CDKAL1: variants seen among roughly 807,000 people sequenced by gnomAD.
CDKAL1 encodes threonylcarbamoyladenosine tRNA methylthiotransferase.
A neutral mutation model predicts 68.2 loss-of-function variants in CDKAL1; 32 were observed. The observed-to-expected ratio is 0.47, with a 90% CI of 0.35 to 0.63. The LOEUF (loss-of-function observed/expected upper bound fraction) is 0.63. Ranked by LOEUF, CDKAL1 falls within the 30% of genes least tolerant of loss-of-function variation. CDKAL1 has a pLI of 0.00. For synonymous variants in CDKAL1, 234 were observed against 244.3 expected (o/e 0.96, Z 0.39); for missense variants, 606 against 696.7 (o/e 0.87, Z 1.47).
At chr6:21,015,392 A>G (rs8180606) in intron 11 of CDKAL1, among the ~76,000 whole-genome samples, 8,904 of 152,288 alleles carry the variant, frequency 0.058, 361 homozygotes, top group African/African-American at 0.1. Context: ...AAGACCAAGC[A>G]TCGACTTTTT....
At chr6:20,987,591 C>T (rs911117673) in intron 10 of CDKAL1, among the ~76,000 whole-genome samples, 11 of 152,088 alleles carry the variant, frequency 7.2e-5, no homozygotes, top group African/African-American at 2.4e-4. Context: ...TTGAACTCTA[C>T]TTGGGGTAAA....
intron 13 of CDKAL1, among the ~76,000 whole-genome samples, chr6:21,169,429 G>A (rs934244691): frequency 1.3e-5 from 2 of 152,210 alleles, no homozygotes; most frequent in African/African-American, 2.4e-5. Flanking sequence ...GAAGCCAGGA[G>A]TTCAGGACCA....
intron 9 of CDKAL1, among the ~76,000 whole-genome samples, chr6:20,916,505 A>G (rs1201566014): frequency 6.6e-6 from 1 of 152,192 alleles, no homozygotes; most frequent in Admixed American, 6.5e-5. Context: ...GGGACTGAAC[A>G]CTGGGGGTGC....
chr6:20,794,442 G>A (rs943672161), intron 8 of CDKAL1, among the ~76,000 whole-genome samples: 1 of 152,062 alleles, frequency 6.6e-6, no homozygotes, highest in East Asian at 1.9e-4. Context: ...TAATGAGAAT[G>A]ATCTGAAGAC....
At chr6:20,771,770 C>T (rs1417695794) in intron 7 of CDKAL1, among the ~76,000 whole-genome samples, 1 of 152,082 alleles carries the variant, frequency 6.6e-6, no homozygotes, top group Non-Finnish European at 1.5e-5. Flanking sequence ...CTGTCCCCTT[C>T]GTGTCTTTTC....
chr6:20,886,974 C>G (rs1161375749), intron 9 of CDKAL1, among the ~76,000 whole-genome samples: 1 of 152,066 alleles, frequency 6.6e-6, no homozygotes, highest in African/African-American at 2.4e-5. Flanking sequence ...TTTTTTACAG[C>G]TCAATAATGA....
At chr6:21,134,292 A>C (rs1488468860) in intron 13 of CDKAL1, among the ~76,000 whole-genome samples, 2 of 152,238 alleles carry the variant, frequency 1.3e-5, no homozygotes, top group African/African-American at 4.8e-5. Flanking sequence ...TTTAGTGTGC[A>C]TTAATCATAA....
At chr6:20,554,909 T>C (rs1763975516) in intron 4 of CDKAL1, among the ~76,000 whole-genome samples, 1 of 152,208 alleles carries the variant, frequency 6.6e-6, no homozygotes, top group East Asian at 1.9e-4. Flanking sequence ...TCATAAACAC[T>C]GAAGAGTAAT....
intron 9 of CDKAL1, among the ~76,000 whole-genome samples, chr6:20,904,717 A>C (rs1173443962): frequency 6.6e-6 from 1 of 151,938 alleles, no homozygotes; most frequent in Non-Finnish European, 1.5e-5. Context: ...TGAACCCAGG[A>C]GGCGGAGGTT....
At chr6:21,047,193 G>T (rs559983983) in intron 11 of CDKAL1, among the ~76,000 whole-genome samples, 10 of 151,938 alleles carry the variant, frequency 6.6e-5, no homozygotes, top group African/African-American at 2.4e-4. Flanking sequence ...TAGGACTACA[G>T]GTGTGTGTTA....
At chr6:21,014,326 G>A (rs1026772020) in intron 11 of CDKAL1, among the ~76,000 whole-genome samples, 7 of 152,154 alleles carry the variant, frequency 4.6e-5, no homozygotes, top group African/African-American at 7.2e-5. Context: ...TTCTCGGGCC[G>A]GGTGTGGTGG....
chr6:21,226,133 C>T (rs1348000301), intron 15 of CDKAL1, among the ~76,000 whole-genome samples: 1 of 152,172 alleles, frequency 6.6e-6, no homozygotes, highest in African/African-American at 2.4e-5. Context: ...GAAACATGCT[C>T]AAGTTAAAAG....
At chr6:20,852,432 A>G (rs1229539814) in intron 9 of CDKAL1, among the ~76,000 whole-genome samples, 1 of 152,234 alleles carries the variant, frequency 6.6e-6, no homozygotes, top group East Asian at 1.9e-4. Context: ...ATAGAAATTG[A>G]AGATATATTT....
chr6:20,776,218 C>G (rs1044470623), intron 7 of CDKAL1, among the ~76,000 whole-genome samples: 11 of 152,164 alleles, frequency 7.2e-5, no homozygotes, highest in Non-Finnish European at 1.5e-4. Context: ...AAATAGCATG[C>G]CTTTGCATAG....
At chr6:20,679,150 G>A (rs1770258827) in intron 5 of CDKAL1, among the ~76,000 whole-genome samples, 1 of 152,210 alleles carries the variant, frequency 6.6e-6, no homozygotes, top group South Asian at 2.1e-4. Flanking sequence ...CTGGCCTCAA[G>A]CAACCCTCCT....
At chr6:21,090,163 G>C (rs975458619) in intron 12 of CDKAL1, among the ~76,000 whole-genome samples, 7 of 152,140 alleles carry the variant, frequency 4.6e-5, no homozygotes, top group African/African-American at 1.7e-4. Flanking sequence ...TGATATTATT[G>C]AACACCACAG....
At chr6:20,804,704 T>C (rs1295182011) in intron 8 of CDKAL1, among the ~76,000 whole-genome samples, 1 of 152,120 alleles carries the variant, frequency 6.6e-6, no homozygotes, top group Non-Finnish European at 1.5e-5. Flanking sequence ...AAAGAGTCAA[T>C]AGAGCAGGTC....
In CDKAL1 at chr6:21,195,477, TTTTATTTATTTATTTA is replaced by T. The variant is rs70993212; in HGVS notation, c.1300-2508_1300-2493del. ...CGTGCCTGGCCTCTGGAGATGTTTT[TTTTATTTATTTATTTA>T]TTTATTTATTTATTTATTTATTTAT... On this transcript the variant is annotated intron_variant, in intron 13 of 15. Coordinates refer to ENST00000274695, the MANE Select transcript of CDKAL1 (RefSeq NM_017774.3). Among the ~76,000 whole-genome samples the T allele has an allele frequency of 1.4e-3, 168 of 118,590 alleles. 1 individual carries two copies. The highest frequency in any genetic ancestry group is 8.0e-3 in the South Asian group (28 of 3,504). 77.8% of individuals were successfully genotyped at this position (118,590 alleles called of 152,430 possible).
chr6:20,759,973 C>T (rs759516947), intron 7 of CDKAL1, among the ~76,000 whole-genome samples: 8 of 151,992 alleles, frequency 5.3e-5, no homozygotes, highest in Non-Finnish European at 1.0e-4. Flanking sequence ...TTTAATGCTG[C>T]ACTTTTCCTT....
Sources: allele counts gnomAD v4.1 joint callset (sites outside exome capture counted in the v4.1 genomes callset), GRCh38; gene constraint gnomAD v4.1.1; transcripts MANE v1.5; gene names NCBI Gene and HGNC (gene_info 2026-07-23, HGNC 2026-07-21).